PSG1: variants seen among roughly 807,000 people sequenced by gnomAD.
The protein encoded by PSG1 is pregnancy specific beta-1-glycoprotein 1, also known as pregnancy-specific beta-1-glycoprotein 1.
In PSG1, 60 loss-of-function variants were observed where a neutral mutation model predicts 41.4. That is an observed-to-expected ratio of 1.45 (90% confidence interval 1.18 to 1.80). The LOEUF (loss-of-function observed/expected upper bound fraction) is 1.80, where lower values mean the gene tolerates loss of function less well. Ranked by LOEUF, PSG1 falls within the 40% of genes most tolerant of loss-of-function variation. The pLI, the probability that PSG1 is intolerant of heterozygous loss-of-function variation, is 0.00. For synonymous variants in PSG1, 256 were observed against 192.9 expected (o/e 1.33, Z -2.71); for missense variants, 806 against 516.9 (o/e 1.56, Z -5.42).
chr19:42,868,222 T>C lies in PSG1; in HGVS notation c.1122A>G (p.Leu374=). ...YSWTINEKFQ[L]PGQKLFIRHI... is the part of the protein sequence containing the mutation. ...GGCGGATAAAGAGCTTTTGTCCTGG[T>C]AGCTGAAACTTTTCATTAATTGTCC... Residue 374 remains leucine, a synonymous_variant, in exon 5 of 6, where the codon CTA becomes CTG. Transcript: ENST00000436291. The C allele has an allele frequency of 1.2e-6, 2 of 1,612,430 alleles. No individual in the cohort carries two copies. Among genetic ancestry groups the C allele is most frequent in the Non-Finnish European group, 1.7e-6 (2 of 1,179,156 alleles).
chr19:42,874,089 A>G (rs757141488), intron 2 of PSG1: 2 of 151,676 alleles, frequency 1.3e-5, no homozygotes, highest in Non-Finnish European at 2.9e-5. Context: ...CTAGTCCCCA[A>G]AACCACCGGT....
chr19:42,870,246 T>C (rs556864277), intron 3 of PSG1: 2 of 151,980 alleles, frequency 1.3e-5, no homozygotes, highest in Non-Finnish European at 1.5e-5. Context: ...CTGACATTTT[T>C]TGATTCTGAA....
At chr19:42,867,993 T>A in intron 5 of PSG1, 108 bp downstream of exon 5, 1 of 1,605,812 alleles carries the variant, frequency 6.2e-7, no homozygotes, top group East Asian at 2.2e-5. Flanking sequence ...GATTTGCTTG[T>A]GCCCATGGGA....
At position 42,868,172 on chromosome 19, in the gene PSG1, A is replaced by G; in HGVS notation, c.1172T>C (p.Leu391Pro). The change falls in exon 5 of 6, where the codon CTC becomes CCC. Residue 391 changes from leucine to proline, a missense_variant. Leu to Pro is a moderately conservative substitution (Grantham distance 98). Transcript: ENST00000436291. ...TGAGTTACGAACAGAGCAAACATAG[A>G]GCCCGCTATGCTTTGTAGTAATATG... ...IRHITTKHSG[L>P]YVCSVRNSAT... 2 of 1,612,392 alleles carry G rather than the reference A, an allele frequency of 1.2e-6. No individual in the cohort carries two copies. The highest frequency in any genetic ancestry group is 1.7e-6 in the Non-Finnish European group (2 of 1,179,112).
chr19:42,868,009 G>A lies in PSG1; in HGVS notation c.1243+92C>T, dbSNP rs576734597. ...ATTTGCTTGTGCCCATGGGACACAG[G>A]CTGGGAATACAATTGTTTTCCTGAC... is the stretch of plus-strand genomic sequence containing the variant. On this transcript the variant is annotated intron_variant, in intron 5 of 5. Transcript: ENST00000436291. 2.8e-5 allele frequency: 45 copies of A among 1,609,392 alleles called. 1 individual carries two copies. In the South Asian group the frequency reaches 3.2e-4, roughly 11 times the overall value.
chr19:42,878,529 CGTT>C (rs1971724273), intron 1 of PSG1: 1 of 611,344 alleles, frequency 1.6e-6, no homozygotes, highest in Admixed American at 3.7e-5. Context: ...ACACTTCTGA[CGTT>C]GGCATTTTTC....
chr19:42,875,557 A>G (rs1218005473), intron 2 of PSG1, among the ~76,000 whole-genome samples: 1 of 151,552 alleles, frequency 6.6e-6, no homozygotes, highest in Admixed American at 6.6e-5. Context: ...TCAGCCAGTC[A>G]TGTGGTCCCT....
chr19:42,873,321 G>A (rs867005862), intron 2 of PSG1, among the ~76,000 whole-genome samples: 8 of 151,600 alleles, frequency 5.3e-5, no homozygotes, highest in Non-Finnish European at 1.2e-4. Flanking sequence ...TCCACAATGC[G>A]CCAGTGAGCA....
rs772244058 is a variant in PSG1 at position 42,868,994 on chromosome 19, G to T, written c.750C>A (p.Asn250Lys). ...TTAAGACATCCTTATTCTCCCTGGGGTTTAAGTTGTTGATGGTGATGTAGG... is the reference window on the plus strand; with the variant it reads ...TTAAGACATCCTTATTCTCCCTGGGTTTTAAGTTGTTGATGGTGATGTAGG... ...PKPYITINNL[N>K]PRENKDVLNF... Residue 250 changes from asparagine to lysine, a missense_variant, in exon 4 of 6, where the codon AAC becomes AAA. Coordinates refer to ENST00000436291, the MANE Select transcript of PSG1 (RefSeq NM_001184825.2). 4.5e-4 allele frequency: 722 copies of T among 1,610,032 alleles called. 18 individuals carry two copies. Among genetic ancestry groups the T allele is most frequent in the African/African-American group, 4.1e-3 (304 of 74,626 alleles).
intron 3 of PSG1, chr19:42,869,557 A>C (rs1376659732): frequency 6.1e-6 from 1 of 165,104 alleles, no homozygotes; most frequent in Non-Finnish European, 1.3e-5. Context: ...CAGCAGAAAT[A>C]ACACAGGGGA....
At chr19:42,878,406 AACACACACAC>A (rs5828151) in intron 1 of PSG1, 128 bp from the exon 2 acceptor site, 8 of 1,192,388 alleles carry the variant, frequency 6.7e-6, no homozygotes, top group Non-Finnish European at 9.2e-6. Context: ...CACACATACA[AACACACACAC>A]ACACACACAC....
Position 42,876,367 on chromosome 19 carries a change from A to G in PSG1, c.430+1546T>C, listed in dbSNP as rs573504807. Among the ~76,000 whole-genome samples, 30 of 151,472 alleles carry G rather than the reference A, an allele frequency of 2.0e-4. 1 individual carries two copies. Among genetic ancestry groups the G allele is most frequent in the South Asian group, 4.2e-4 (2 of 4,744 alleles). ...CCGGTGGCTTAAGAGCTTCAGAATT[A>G]CATGAGGTGGGGTGGCTTTAGGGGC... On this transcript the variant is annotated intron_variant, in intron 2 of 5. Coordinates refer to ENST00000436291, the MANE Select transcript of PSG1 (RefSeq NM_001184825.2).
intron 2 of PSG1, among the ~76,000 whole-genome samples, chr19:42,876,106 A>G (rs1264709723): frequency 1.3e-5 from 2 of 151,368 alleles, no homozygotes; most frequent in Admixed American, 6.6e-5. Context: ...AGGGAACTGA[A>G]CAGCCAGAGT....
At chr19:42,877,764 G>T in intron 2 of PSG1, 149 bp downstream of exon 2, 1 of 1,504,786 alleles carries the variant, frequency 6.6e-7, no homozygotes, top group Non-Finnish European at 9.2e-7. Flanking sequence ...TGTCTCCTCT[G>T]TGTGTGTCCT....
chr19:42,878,365 C>G, intron 1 of PSG1, 87 bp from the exon 2 acceptor site: 1 of 1,494,994 alleles, frequency 6.7e-7, no homozygotes, highest in Non-Finnish European at 9.0e-7. Flanking sequence ...AAGGTCTCTT[C>G]AGTCCTCAGC....
rs780019572 is a variant in PSG1 at position 42,867,137 on chromosome 19, G to C, written c.1257C>G (p.Pro419=). The change falls in exon 6 of 6, where the codon CCC becomes CCG. Residue 419 remains proline (P), a synonymous_variant. Transcript: ENST00000436291. ...GAATTGGAGGTACTAGTAGAATTCA[G>C]GGAACTGTCCAGTCTACAGGTGGAT... ...MTVEVSDWTV[P] 3.9e-6 allele frequency: 3 copies of C among 770,716 alleles called. No individual in the cohort carries two copies. Among genetic ancestry groups the C allele is most frequent in the Non-Finnish European group, 7.2e-6 (3 of 417,476 alleles). 47.7% of individuals were successfully genotyped at this position (770,716 alleles called of 1,614,324 possible).
chr19:42,873,160 G>T (rs970368142), intron 2 of PSG1, among the ~76,000 whole-genome samples: 1 of 151,634 alleles, frequency 6.6e-6, no homozygotes, highest in Admixed American at 6.6e-5. Flanking sequence ...GAGATCTCCT[G>T]TACAGCCTCA....
intron 3 of PSG1, chr19:42,870,328 C>A (rs1971327446): frequency 6.6e-6 from 1 of 151,700 alleles, no homozygotes; most frequent in African/African-American, 2.4e-5. Flanking sequence ...CTCCAGTGAG[C>A]ATTTCTTTTC....
intron 2 of PSG1, chr19:42,874,147 C>T (rs903335474): frequency 2.6e-5 from 4 of 151,490 alleles, no homozygotes; most frequent in African/African-American, 4.9e-5. Context: ...CCCACAGCTA[C>T]AAAATTTAAA....
Sources: gnomAD v4.1 joint callset for allele counts (sites outside exome capture counted in the v4.1 genomes callset) on GRCh38, gnomAD v4.1.1 for gene constraint, MANE v1.5 for transcripts, NCBI Gene and HGNC (gene_info 2026-07-23, HGNC 2026-07-21) for gene names.